The following NDUFS2 variants were observed in gnomAD, a reference collection of about 807,000 sequenced individuals.
NDUFS2 encodes NADH dehydrogenase [ubiquinone] iron-sulfur protein 2, mitochondrial.
In NDUFS2, 38 loss-of-function variants were observed where a neutral mutation model predicts 69.6. The observed-to-expected ratio is 0.55, with a 90% CI of 0.42 to 0.72. The LOEUF (loss-of-function observed/expected upper bound fraction) is 0.72, where lower values mean the gene tolerates loss of function less well. NDUFS2 is among the 30% of genes least tolerant of loss of function. The pLI is 0.00. For synonymous variants in NDUFS2, 194 were observed against 211.2 expected (o/e 0.92, Z 0.70); for missense variants, 468 against 595.0 (o/e 0.79, Z 2.22).
chr1:161,214,236 C>T lies in NDUFS2; in HGVS notation c.*43C>T. 1 of 1,563,572 alleles carries T rather than the reference C, an allele frequency of 6.4e-7. No homozygotes were observed. Among genetic ancestry groups the T allele is most frequent in the Non-Finnish European group, 8.8e-7 (1 of 1,135,486 alleles). ...GATCCCCCCTGCCTATCAGCTTCTT[C>T]TGTGGAGCCTGTTCCTCACTGGAAA... On this transcript the variant is annotated 3_prime_UTR_variant, in exon 14 of 14. Transcript: ENST00000676972.
upstream of NDUFS2, chr1:161,198,076 C>A (rs1465008508): frequency 6.2e-7 from 1 of 1,612,006 alleles, no homozygotes; most frequent in South Asian, 1.1e-5. The surrounding 1 kb of genome is among the most constrained non-coding windows in gnomAD (Gnocchi z 4.7). Context: ...TGGCAGGACT[C>A]TTCCGGCGTA....
intron 2 of NDUFS2, among the ~76,000 whole-genome samples, chr1:161,206,093 T>C (rs756443193): frequency 2.0e-5 from 3 of 152,088 alleles, no homozygotes; most frequent in Non-Finnish European, 4.4e-5. Flanking sequence ...AGGTAGTGCC[T>C]GGCACATAAT....
At chr1:161,206,139 A>G (rs577236234) in intron 2 of NDUFS2, among the ~76,000 whole-genome samples, 1 of 152,142 alleles carries the variant, frequency 6.6e-6, no homozygotes, top group African/African-American at 2.4e-5. Flanking sequence ...TTAAAAAGAT[A>G]TTCTATGCAC....
intron 10 of NDUFS2, 79 bp downstream of exon 10, chr1:161,212,559 C>G (rs1665830981): frequency 5.1e-6 from 8 of 1,560,300 alleles, no homozygotes; most frequent in Non-Finnish European, 6.9e-6. Context: ...GGATTAAATC[C>G]TATCTTTTGG....
intron 1 of NDUFS2, 116 bp from the exon 2 acceptor site, chr1:161,203,305 TCAAAAAAAACAAAAAA>T: frequency 1.3e-6 from 1 of 770,942 alleles, no homozygotes; most frequent in Non-Finnish European, 2.2e-6. Flanking sequence ...AAACCCAGTC[TCAAAAAAAACAAAAAA>T]CAAAACAAAA....
chr1:161,203,315 CAA>C (rs1030495848), intron 1 of NDUFS2, 120 bp from the exon 2 acceptor site: 1 of 853,476 alleles, frequency 1.2e-6, no homozygotes, highest in Non-Finnish European at 1.9e-6. Context: ...TCAAAAAAAA[CAA>C]AAAACAAAAC....
intron 1 of NDUFS2, 94 bp from the exon 2 acceptor site, chr1:161,203,343 G>A (rs1404003610): frequency 5.7e-6 from 6 of 1,047,010 alleles, no homozygotes; most frequent in Middle Eastern, 2.3e-4. Flanking sequence ...AAAAAAACAG[G>A]TCATCCTTCC....
upstream of NDUFS2, chr1:161,198,552 G>A (rs1393044920): frequency 6.4e-7 from 1 of 1,562,476 alleles, no homozygotes; most frequent in Non-Finnish European, 8.7e-7. This position sits in a 1 kb window ranked among gnomAD's most constrained non-coding sequence, Gnocchi z 4.7. Context: ...ACAATGGGGA[G>A]CAGGAGGCAG....
chr1:161,209,875 CGAGT>C lies in NDUFS2; in HGVS notation c.648_651del (p.Val217LeufsTer45). 3 of 1,614,052 alleles carry C rather than the reference CGAGT, an allele frequency of 1.9e-6. No homozygotes were observed. In the South Asian group the frequency reaches 3.3e-5, roughly 18 times the overall value. ...TATGAAGATGTTTGAGTTCTACGAG[CGAGT>C]GTCTGGAGCCCGAATGCATGCTGCT... On this transcript the variant is annotated frameshift_variant, in exon 6 of 14. Transcript: ENST00000676972. LOFTEE classifies it high-confidence loss of function.
At chr1:161,198,981 C>T, upstream of NDUFS2, 1 of 243,846 alleles carries the variant, frequency 4.1e-6, no homozygotes, top group East Asian at 8.0e-5. The surrounding 1 kb of genome is among the most constrained non-coding windows in gnomAD (Gnocchi z 4.7). Context: ...TTCCGCTGTG[C>T]CTTTGTCTCT....
At chr1:161,209,430 C>G (rs1364164473) in intron 4 of NDUFS2, 53 bp from the exon 5 acceptor site, 3 of 1,608,930 alleles carry the variant, frequency 1.9e-6, no homozygotes, top group Non-Finnish European at 2.6e-6. Flanking sequence ...CCAGACCTCT[C>G]TGTCCGCCTC....
At position 161,213,861 on chromosome 1, in the gene NDUFS2, T is replaced by A; in HGVS notation, c.1297-3T>A. 6.2e-7 allele frequency: 1 copy of A among 1,614,188 alleles called. No homozygotes were observed. Among genetic ancestry groups the A allele is most frequent in the Middle Eastern group, 1.6e-4 (1 of 6,062 alleles). On this transcript the variant is annotated splice_polypyrimidine_tract_variant and splice_region_variant and intron_variant, in intron 12 of 13. Transcript: ENST00000676972. ...AACATTGTTGCCATCTCAATCTCCC[T>A]AGGCTGGTTTGGACAAGATGTCTAA... is the stretch of plus-strand genomic sequence containing the variant.
chr1:161,203,008 A>C (rs980456892), intron 1 of NDUFS2, among the ~76,000 whole-genome samples: 2 of 152,156 alleles, frequency 1.3e-5, no homozygotes, highest in East Asian at 3.9e-4. Flanking sequence ...ACTTGGCATT[A>C]AAAAATCCAG....
intron 3 of NDUFS2, among the ~76,000 whole-genome samples, chr1:161,207,629 C>CT (rs1188389647): frequency 6.6e-6 from 1 of 151,234 alleles, no homozygotes; most frequent in African/African-American, 2.4e-5. Context: ...TGGTGTGCGC[C>CT]TGTAGGAGAA....
chr1:161,206,394 TCTTA>T lies in NDUFS2; in HGVS notation c.203-9_203-6del. 4 of 1,614,122 alleles carry T rather than the reference TCTTA, an allele frequency of 2.5e-6. No homozygotes were observed. Among genetic ancestry groups the T allele is most frequent in the Non-Finnish European group, 3.4e-6 (4 of 1,179,972 alleles). ...AATAACCATGTGGCTCTGAACTATT[TCTTA>T]CTTCTCAGATGTGGACCCTCCAAAG... On this transcript the variant is annotated splice_polypyrimidine_tract_variant and intron_variant, in intron 2 of 13. Coordinates refer to ENST00000676972, the MANE Select transcript of NDUFS2 (RefSeq NM_001377299.1).
At chr1:161,211,738 T>G (rs1303407963) in intron 9 of NDUFS2, among the ~76,000 whole-genome samples, 1 of 152,214 alleles carries the variant, frequency 6.6e-6, no homozygotes, top group Non-Finnish European at 1.5e-5. Context: ...GTTTTTTTTA[T>G]TTTTGTTTGT....
intron 8 of NDUFS2, 101 bp downstream of exon 8, chr1:161,210,490 A>G: frequency 6.2e-7 from 1 of 1,606,044 alleles, no homozygotes; most frequent in East Asian, 2.2e-5. Flanking sequence ...CCTCCTAGTC[A>G]TACCCTGAAT....
upstream of NDUFS2, chr1:161,198,228 C>T: frequency 6.2e-7 from 1 of 1,614,110 alleles, no homozygotes; most frequent in Non-Finnish European, 8.5e-7. This position sits in a 1 kb window ranked among gnomAD's most constrained non-coding sequence, Gnocchi z 4.7. Flanking sequence ...TCCGGATCTC[C>T]ATTGATGGTG....
rs537754377 is a variant in NDUFS2, at chr1:161,207,877, A to G, written c.393+1280A>G. Among the ~76,000 whole-genome samples, 34 of 147,546 alleles carry G rather than the reference A, an allele frequency of 2.3e-4. No homozygotes were observed. The East Asian group carries it at 6.5e-3, about 28-fold the overall frequency. Reference sequence around the variant, plus strand: ...GCCCAGGCTGGAGTGCAGTGGCGTGATCTTGGCTCACTGCAACCTCTGCCT... The same window carrying G: ...GCCCAGGCTGGAGTGCAGTGGCGTGGTCTTGGCTCACTGCAACCTCTGCCT... On this transcript the variant is annotated intron_variant, in intron 3 of 13. Transcript: ENST00000676972.
Sources: allele counts gnomAD v4.1 joint callset (sites outside exome capture counted in the v4.1 genomes callset), GRCh38; gene constraint gnomAD v4.1.1; non-coding constraint Gnocchi (gnomAD v3.1); transcripts MANE v1.5; gene names NCBI Gene and HGNC (gene_info 2026-07-23, HGNC 2026-07-21).